The following CAPN14 variants were observed in gnomAD, a reference collection of about 807,000 sequenced individuals.
CAPN14 encodes the protein calpain-14.
CAPN14 carries 94 observed loss-of-function variants against 101.3 expected under a neutral mutation model. The ratio of observed to expected loss-of-function variants is 0.93; its 90% CI spans 0.79 to 1.10. The LOEUF is 1.10. Among genes scored for constraint, CAPN14 ranks in the 50% least tolerant of loss-of-function variants. The pLI is 0.00. For synonymous variants in CAPN14, 338 were observed against 317.9 expected (o/e 1.06, Z -0.67); for missense variants, 837 against 828.4 (o/e 1.01, Z -0.13).
intron 2 of CAPN14, among the ~76,000 whole-genome samples, chr2:31,225,126 A>G (rs1280059267): frequency 6.6e-6 from 1 of 152,128 alleles, no homozygotes; most frequent in African/African-American, 2.4e-5. Context: ...CAATACGAAA[A>G]ACACTAAATG....
At chr2:31,215,848 G>GAAAAAAAAAAAAAAAAAACAAAAAAA in intron 1 of CAPN14, among the ~76,000 whole-genome samples, 1 of 134,390 alleles carries the variant, frequency 7.4e-6, no homozygotes, top group Non-Finnish European at 1.6e-5. Context: ...TCTTAAAAAA[G>GAAAAAAAAAAAAAAAAAACAAAAAAA]AAAAAAAAAA....
At chr2:31,192,834 T>A (rs370959524) in intron 10 of CAPN14, among the ~76,000 whole-genome samples, 1 of 152,294 alleles carries the variant, frequency 6.6e-6, no homozygotes, top group African/African-American at 2.4e-5. Context: ...CCTGCTTTTA[T>A]CATGCCTGTG....
Position 31,186,474 on chromosome 2 carries a change from A to T in CAPN14, c.1599T>A (p.Ile533=). The part of the protein sequence containing the change: ...FTKFFEKHPE[I]NAVQLQNLLN... Reference sequence around the variant, plus strand: ...GGAGGTTCTGAAGTTGAACTGCATTAATCTCTGGATGCTAAATAGAAAGCA... The same window carrying T: ...GGAGGTTCTGAAGTTGAACTGCATTTATCTCTGGATGCTAAATAGAAAGCA... The change falls in exon 16 of 22, where the codon ATT becomes ATA. Residue 533 remains isoleucine, a synonymous_variant. Coordinates refer to ENST00000403897, the MANE Select transcript of CAPN14 (RefSeq NM_001145122.2). The T allele has an allele frequency of 6.5e-7, 1 of 1,548,528 alleles. No individual in the cohort carries two copies. Among genetic ancestry groups the T allele is most frequent in the Admixed American group, 2.0e-5 (1 of 50,322 alleles).
At chr2:31,196,757 G>T (rs749612571) in intron 8 of CAPN14, among the ~76,000 whole-genome samples, 1 of 152,094 alleles carries the variant, frequency 6.6e-6, no homozygotes. Context: ...ATGCCCAGAG[G>T]CTACTATATG....
intron 2 of CAPN14, among the ~76,000 whole-genome samples, chr2:31,204,063 C>G (rs1343422704): frequency 6.6e-6 from 1 of 152,186 alleles, no homozygotes; most frequent in African/African-American, 2.4e-5. Flanking sequence ...AAATTTATCT[C>G]TCTGGCAGAT....
chr2:31,219,914 C>A (rs1294894717), upstream of CAPN14, among the ~76,000 whole-genome samples: 1 of 152,156 alleles, frequency 6.6e-6, no homozygotes, highest in Non-Finnish European at 1.5e-5. Flanking sequence ...CTTCTAATGT[C>A]CTACTTCCCA....
upstream of CAPN14, among the ~76,000 whole-genome samples, chr2:31,218,875 CT>C (rs1682767447): frequency 6.6e-6 from 1 of 152,216 alleles, no homozygotes. Flanking sequence ...AGCCTTCCCC[CT>C]GCCTCATGTG....
intron 16 of CAPN14, among the ~76,000 whole-genome samples, chr2:31,183,586 A>T (rs1459928853): frequency 1.3e-5 from 2 of 152,174 alleles, no homozygotes; most frequent in Non-Finnish European, 2.9e-5. Flanking sequence ...ACATGAAAAA[A>T]TGCTCACCAT....
intron 1 of CAPN14, chr2:31,228,486 A>T (rs1261416843): frequency 6.6e-6 from 1 of 152,228 alleles, no homozygotes; most frequent in Admixed American, 6.5e-5. Context: ...ACTACTAAAA[A>T]TTATATTCCT....
intron 5 of CAPN14, 115 bp from the exon 6 acceptor site, chr2:31,200,740 G>A: frequency 2.0e-6 from 2 of 983,952 alleles, no homozygotes; most frequent in Non-Finnish European, 2.9e-6. Context: ...ACCAAAAGCA[G>A]AGCTCAGGCA....
chr2:31,175,342 G>T (rs1680237840), intron 21 of CAPN14, among the ~76,000 whole-genome samples: 1 of 152,156 alleles, frequency 6.6e-6, no homozygotes, highest in Non-Finnish European at 1.5e-5. Context: ...TCACCTGTGG[G>T]GCAGCTGAGG....
At chr2:31,214,711 A>C (rs1203623179) in intron 1 of CAPN14, among the ~76,000 whole-genome samples, 1 of 152,094 alleles carries the variant, frequency 6.6e-6, no homozygotes, top group East Asian at 1.9e-4. Flanking sequence ...ATAGTCACAA[A>C]TCTTTGCAGA....
chr2:31,231,842 G>C (rs1040979128), intron 1 of CAPN14, among the ~76,000 whole-genome samples: 1 of 152,188 alleles, frequency 6.6e-6, no homozygotes, highest in Non-Finnish European at 1.5e-5. Context: ...CGCAAGCCTT[G>C]CTCCACTAGG....
intron 7 of CAPN14, among the ~76,000 whole-genome samples, chr2:31,198,056 G>A (rs1681559125): frequency 6.6e-6 from 1 of 152,118 alleles, no homozygotes; most frequent in Non-Finnish European, 1.5e-5. Flanking sequence ...ATAAATCTTG[G>A]GACCCCAAAA....
intron 17 of CAPN14, among the ~76,000 whole-genome samples, chr2:31,179,339 C>T (rs754114941): frequency 2.6e-5 from 4 of 151,962 alleles, no homozygotes; most frequent in Non-Finnish European, 4.4e-5. Context: ...TCTCTCCTTG[C>T]GATAGTTTGC....
At chr2:31,189,599 G>A (rs1244380700) in intron 12 of CAPN14, 121 bp from the exon 13 acceptor site, 13 of 776,516 alleles carry the variant, frequency 1.7e-5, no homozygotes, top group Non-Finnish European at 2.9e-5. Context: ...AATCCAATAG[G>A]CCCCAGTGGA....
chr2:31,177,885 G>C, intron 18 of CAPN14, 64 bp from the exon 19 acceptor site: 1 of 1,211,642 alleles, frequency 8.3e-7, no homozygotes, highest in Non-Finnish European at 1.2e-6. Flanking sequence ...TGAGAGCCCT[G>C]TGTGCCCCTT....
chr2:31,201,146 T>C lies in CAPN14; in HGVS notation c.552-521A>G, dbSNP rs1390712223. Among the ~76,000 whole-genome samples, 4 of 138,068 alleles carry C rather than the reference T, an allele frequency of 2.9e-5. No individual in the cohort carries two copies. In the East Asian group the frequency reaches 6.6e-4, roughly 23 times the overall value. 90.6% of individuals were successfully genotyped at this position (138,068 alleles called of 152,430 possible). On this transcript the variant is annotated intron_variant, in intron 5 of 21. Coordinates refer to ENST00000403897, the MANE Select transcript of CAPN14 (RefSeq NM_001145122.2). ...GCATGTGTGTATGTGTGGACGTGTG[T>C]GTGTGCATGTGCGTATGTGTGTGCG...
intron 14 of CAPN14, 138 bp downstream of exon 14, chr2:31,188,180 C>A (rs558984207): frequency 6.6e-6 from 5 of 763,314 alleles, no homozygotes; most frequent in South Asian, 3.1e-5. Flanking sequence ...TAGGATACAA[C>A]GGGTAATGTT....
Sources: allele counts gnomAD v4.1 joint callset (sites outside exome capture counted in the v4.1 genomes callset), GRCh38; gene constraint gnomAD v4.1.1; transcripts MANE v1.5; gene names NCBI Gene and HGNC (gene_info 2026-07-23, HGNC 2026-07-21).